Variants in CELSR2 observed in about 807,000 individuals in gnomAD.
The protein encoded by CELSR2 is cadherin EGF LAG seven-pass G-type receptor 2.
A neutral mutation model predicts 251.6 loss-of-function variants in CELSR2; 81 were observed. That is an observed-to-expected ratio of 0.32 (90% CI 0.27 to 0.39). The LOEUF (loss-of-function observed/expected upper bound fraction) is 0.39, where lower values mean the gene tolerates loss of function less well. Ranked by LOEUF, CELSR2 falls within the 10% of genes least tolerant of loss-of-function variation. CELSR2 has a pLI of 1.00. For missense variants in CELSR2, 3,365 were observed against 3,947.7 expected (o/e 0.85, Z 3.96); for synonymous variants, 1,721 against 1,670.5 (o/e 1.03, Z -0.74).
rs769628423 is a variant in CELSR2 at position 109,271,417 on chromosome 1, C to T, written c.7708C>T (p.Leu2570=). 1 of 1,613,920 alleles carries T rather than the reference C, an allele frequency of 6.2e-7. No homozygotes were observed. Among genetic ancestry groups the T allele is most frequent in the Non-Finnish European group, 8.5e-7 (1 of 1,180,040 alleles). Residue 2570 remains leucine, a synonymous_variant, in exon 27 of 34, where the codon CTG becomes TTG. Coordinates refer to ENST00000271332, the MANE Select transcript of CELSR2 (RefSeq NM_001408.3). ...CCTGCAGCCCTCCTTCGCCGTCCTC[C>T]TGCTGCTGAGCGCCACGTGGCTGCT... The part of the protein sequence containing the change: ...SGLQPSFAVL[L]LLSATWLLAL...
In CELSR2 at chr1:109,272,333, A is replaced by G; in HGVS notation, c.7982A>G (p.Asp2661Gly). The G allele has an allele frequency of 6.2e-7, 1 of 1,612,120 alleles. No homozygotes were observed. Among genetic ancestry groups the G allele is most frequent in the African/African-American group, 1.3e-5 (1 of 74,912 alleles). The change falls in exon 29 of 34, where the codon GAC becomes GGC. Residue 2661 changes from aspartate to glycine, a missense_variant. This residue lies in a region of CELSR2 where 2,093 missense variants were observed against 2,382.8 expected (regional missense o/e 0.88). Coordinates refer to ENST00000271332, the MANE Select transcript of CELSR2 (RefSeq NM_001408.3). Reference sequence around the variant, plus strand: ...GGGCGGCTGTACCAGCCCTACGGAGACTCGGCCGGCTCTCTGCACAGCACC... The same window carrying G: ...GGGCGGCTGTACCAGCCCTACGGAGGCTCGGCCGGCTCTCTGCACAGCACC... ...ADGRLYQPYG[D>G]SAGSLHSTSR...
In CELSR2 at chr1:109,265,749, G is replaced by A; in HGVS notation, c.5742G>A (p.Arg1914=). Residue 1914 remains arginine (R), a synonymous_variant, in exon 14 of 34, where the codon CGG becomes CGA. Coordinates refer to ENST00000271332, the MANE Select transcript of CELSR2 (RefSeq NM_001408.3). ...GECHCKENHY[R]PPGSPTCLLC... ...TCCTTTCTCAGGAGAACCACTACCG[G>A]CCCCCAGGCAGCCCCACCTGCCTCT... is the stretch of plus-strand genomic sequence containing the variant. 6.2e-7 allele frequency: 1 copy of A among 1,611,036 alleles called. No individual in the cohort carries two copies. The highest frequency in any genetic ancestry group is 8.5e-7 in the Non-Finnish European group (1 of 1,177,582).
At chr1:109,266,537 T>G in intron 15 of CELSR2, 1 of 177,194 alleles carries the variant, frequency 5.6e-6, no homozygotes. Context: ...CCTAAGCCTC[T>G]GGCCGCCACC....
chr1:109,253,774 G>A (rs973056649), intron 1 of CELSR2, among the ~76,000 whole-genome samples: 12 of 152,230 alleles, frequency 7.9e-5, no homozygotes, highest in African/African-American at 2.9e-4. Context: ...CAGGAGAGGA[G>A]GCGAGGCCAG....
intron 5 of CELSR2, 64 bp from the exon 6 acceptor site, chr1:109,262,223 C>T (rs563440974): frequency 8.9e-6 from 14 of 1,581,802 alleles, no homozygotes; most frequent in Non-Finnish European, 1.2e-5. Flanking sequence ...CCAGTGTGTG[C>T]TGGCCATGAA....
chr1:109,256,373 A>G (rs78421006), intron 1 of CELSR2, among the ~76,000 whole-genome samples: 2,040 of 152,238 alleles, frequency 0.013, 21 homozygotes, highest in Middle Eastern at 0.034. Context: ...GGTGAGAGCT[A>G]GTGAGAATAA....
At position 109,252,747 on chromosome 1, in the gene CELSR2, C is replaced by T. The variant is rs987828949; in HGVS notation, c.2668C>T (p.Arg890Trp). The T allele has an allele frequency of 4.3e-6, 7 of 1,613,862 alleles. No individual in the cohort carries two copies. The highest frequency in any genetic ancestry group is 1.3e-5 in the African/African-American group (1 of 74,916). Residue 890 changes from arginine (R) to tryptophan (W), a missense_variant, in exon 1 of 34, where the codon CGG becomes TGG. Transcript: ENST00000271332. This position sits in a 1 kb window ranked among gnomAD's most constrained non-coding sequence, Gnocchi z 4.8. ...DRENVAQYVL[R>W]AYAVDKGMPP... is the part of the protein sequence containing the mutation. ...AGAGAACGTGGCCCAGTATGTCTTG[C>T]GGGCATATGCAGTGGACAAGGGGAT...
chr1:109,267,486 C>T (rs775349520), intron 15 of CELSR2, 62 bp from the exon 16 acceptor site: 15 of 1,496,444 alleles, frequency 1.0e-5, no homozygotes, highest in Non-Finnish European at 1.3e-5. Flanking sequence ...AACCTCTCAG[C>T]CAGTCTCAGG....
Position 109,272,892 on chromosome 1 carries a change from G to A in CELSR2, c.8203G>A (p.Ala2735Thr). The A allele has an allele frequency of 6.2e-7, 1 of 1,614,026 alleles. No individual in the cohort carries two copies. The highest frequency in any genetic ancestry group is 8.5e-7 in the Non-Finnish European group (1 of 1,179,988). Residue 2735 changes from alanine (A) to threonine (T), a missense_variant, in exon 31 of 34, where the codon GCC (alanine) becomes ACC (threonine). Physicochemically the swap from Ala to Thr is moderately conservative, Grantham distance 58 (BLOSUM62 0). Coordinates refer to ENST00000271332, the MANE Select transcript of CELSR2 (RefSeq NM_001408.3). ...SLEDDQSGSY[A>T]STHSSDSEEE... ...AGAAGACGACCAGAGTGGCTCCTATGCCTCTACCCACTCATCAGACAGTGA... is the reference window on the plus strand; with the variant it reads ...AGAAGACGACCAGAGTGGCTCCTATACCTCTACCCACTCATCAGACAGTGA...
intron 18 of CELSR2, 50 bp from the exon 19 acceptor site, chr1:109,268,830 G>A (rs377663402): frequency 1.3e-6 from 2 of 1,584,274 alleles, no homozygotes; most frequent in Non-Finnish European, 1.7e-6. Flanking sequence ...CGGCTGTGCT[G>A]GGGTCCTGCC....
In CELSR2 at chr1:109,267,932, C is replaced by A; in HGVS notation, c.6190C>A (p.Gln2064Lys). The A allele has an allele frequency of 6.2e-7, 1 of 1,611,836 alleles. No homozygotes were observed. Among genetic ancestry groups the A allele is most frequent in the Middle Eastern group, 1.7e-4 (1 of 5,910 alleles). The part of the protein sequence containing the change: ...QLALLLRNAT[Q>K]HTAGYFGSDV... ...AGCCCTGCTCCTGCGCAACGCCACG[C>A]AGCACACAGCTGGCTACTTCGGCAG... is the stretch of plus-strand genomic sequence containing the variant. Residue 2064 changes from glutamine to lysine, a missense_variant, in exon 17 of 34, where the codon CAG becomes AAG. By Grantham distance (53) the Gln-to-Lys change is moderately conservative. Around this residue, in one of 5 missense-constraint regions of CELSR2, gnomAD observed 2,093 missense variants for 2,382.8 expected, o/e 0.88. Coordinates refer to ENST00000271332, the MANE Select transcript of CELSR2 (RefSeq NM_001408.3).
At position 109,261,130 on chromosome 1, in the gene CELSR2, C is replaced by T. The variant is rs751361900; in HGVS notation, c.4047C>T (p.Gly1349=). 6.2e-6 allele frequency: 10 copies of T among 1,614,076 alleles called. No homozygotes were observed. The highest frequency in any genetic ancestry group is 1.7e-4 in the Middle Eastern group (1 of 6,058). ...NGGTCVNLLV[G]GFKCDCPSGD... is the part of the protein sequence containing the mutation. Reference sequence around the variant, plus strand: ...GCACCTGTGTCAACCTGCTGGTGGGCGGTTTCAAGTGCGATTGCCCATCTG... The same window carrying T: ...GCACCTGTGTCAACCTGCTGGTGGGTGGTTTCAAGTGCGATTGCCCATCTG... Residue 1349 remains glycine, a synonymous_variant, in exon 3 of 34, where the codon GGC becomes GGT. Transcript: ENST00000271332. The surrounding 1 kb of genome is among the most constrained non-coding windows in gnomAD (Gnocchi z 4.8).
In CELSR2 at chr1:109,269,128, G is replaced by A; in HGVS notation, c.6650G>A (p.Arg2217Lys). The change falls in exon 20 of 34, where the codon AGG (arginine) becomes AAG (lysine). Residue 2217 changes from arginine (R) to lysine (K), a missense_variant. Arg to Lys is a conservative substitution (Grantham distance 26, BLOSUM62 2). This residue lies in a region of CELSR2 where 2,093 missense variants were observed against 2,382.8 expected (regional missense o/e 0.88). Coordinates refer to ENST00000271332, the MANE Select transcript of CELSR2 (RefSeq NM_001408.3). This position sits in a 1 kb window ranked among gnomAD's most constrained non-coding sequence, Gnocchi z 6.4. The stretch of plus-strand genomic sequence containing the variant: ...CTCCCAGAGACGCCCCCCGTGGTCA[G>A]GCCCGCAGGCCCCGGAGAGGCCCAG... ...SVFRETPPVVRPAGPGEAQEP... is the reference protein window; with the variant it reads ...SVFRETPPVVKPAGPGEAQEP... 1.9e-6 allele frequency: 3 copies of A among 1,605,682 alleles called. No homozygotes were observed. The highest frequency in any genetic ancestry group is 2.6e-6 in the Non-Finnish European group (3 of 1,176,186).
intron 5 of CELSR2, 126 bp downstream of exon 5, chr1:109,262,022 G>A (rs1348108329): frequency 4.3e-6 from 5 of 1,163,882 alleles, no homozygotes; most frequent in East Asian, 5.1e-5. Context: ...GAGGAAGGGA[G>A]CGGCTGGGAA....
At position 109,261,019 on chromosome 1, in the gene CELSR2, C is replaced by T; in HGVS notation, c.3959-23C>T. ...CTCCTGTCCTCAGGTACTTGGTACTCACCTGCCTTTCCTCTTGTCCAGGTG... is the reference window on the plus strand; with the variant it reads ...CTCCTGTCCTCAGGTACTTGGTACTTACCTGCCTTTCCTCTTGTCCAGGTG... On this transcript the variant is annotated intron_variant, in intron 2 of 33. Transcript: ENST00000271332. The surrounding 1 kb of genome is among the most constrained non-coding windows in gnomAD (Gnocchi z 4.8). The T allele has an allele frequency of 6.3e-7, 1 of 1,580,262 alleles. No individual in the cohort carries two copies. Among genetic ancestry groups the T allele is most frequent in the African/African-American group, 1.3e-5 (1 of 74,502 alleles).
At position 109,269,371 on chromosome 1, in the gene CELSR2, TC is replaced by T; in HGVS notation, c.6813-49del. Reference sequence around the variant, plus strand: ...AGGCATGGAGGGGGTCGGGGGCGTCTCCCCAGTCATGTGACTGCCGTGGTGA... The same window carrying T: ...AGGCATGGAGGGGGTCGGGGGCGTCTCCCAGTCATGTGACTGCCGTGGTGA... On this transcript the variant is annotated intron_variant, in intron 20 of 33. Coordinates refer to ENST00000271332, the MANE Select transcript of CELSR2 (RefSeq NM_001408.3). This position sits in a 1 kb window ranked among gnomAD's most constrained non-coding sequence, Gnocchi z 6.4. 1 of 1,608,846 alleles carries T rather than the reference TC, an allele frequency of 6.2e-7. No individual in the cohort carries two copies. The highest frequency in any genetic ancestry group is 8.5e-7 in the Non-Finnish European group (1 of 1,176,952).
At chr1:109,270,327 AG>A (rs1345461908) in intron 23 of CELSR2, 98 bp from the exon 24 acceptor site, 3 of 1,413,690 alleles carry the variant, frequency 2.1e-6, no homozygotes, top group Non-Finnish European at 2.9e-6. Context: ...CCCTGGAAGC[AG>A]TTCCCAACAC....
At chr1:109,262,556 C>A in intron 6 of CELSR2, 112 bp downstream of exon 6, 2 of 1,438,390 alleles carry the variant, frequency 1.4e-6, no homozygotes, top group South Asian at 1.3e-5. Flanking sequence ...TCTCTTAGCC[C>A]CTGCTCAGCC....
In CELSR2 at chr1:109,273,541, A is replaced by T. The variant is rs1419809802; in HGVS notation, c.8615A>T (p.Glu2872Val). The T allele has an allele frequency of 1.3e-6, 2 of 1,586,546 alleles. No individual in the cohort carries two copies. Among genetic ancestry groups the T allele is most frequent in the Non-Finnish European group, 8.6e-7 (1 of 1,166,854 alleles). ...TCTTCCCGGGGCTCCTCCGCTAGTG[A>T]GGGCAGCCGGGGAGGCCCCCCTCCC... ...TGSSRGSSAS[E>V]GSRGGPPPRP... Residue 2872 changes from glutamate to valine, a missense_variant, in exon 33 of 34, where the codon GAG becomes GTG. Glu to Val is a moderately radical substitution (Grantham distance 121). Coordinates refer to ENST00000271332, the MANE Select transcript of CELSR2 (RefSeq NM_001408.3).
Sources: allele counts gnomAD v4.1 joint callset (sites outside exome capture counted in the v4.1 genomes callset), GRCh38; gene constraint gnomAD v4.1.1; regional missense constraint gnomAD v4.1.1; non-coding constraint Gnocchi (gnomAD v3.1); transcripts MANE v1.5; gene names NCBI Gene and HGNC (gene_info 2026-07-23, HGNC 2026-07-21).